The following CHD1 variants were observed in gnomAD, a reference collection of about 807,000 sequenced individuals.
CHD1 encodes chromodomain helicase DNA binding protein 1.
In CHD1, 36 loss-of-function variants were observed where a neutral mutation model predicts 224.2. The observed-to-expected ratio is 0.16, with a 90% confidence interval of 0.12 to 0.21. The LOEUF is 0.21. CHD1 is among the 10% of genes least tolerant of loss of function. The pLI is 1.00. For missense variants in CHD1, 1,378 were observed against 1,994.8 expected, an observed-to-expected ratio of 0.69 and a Z score of 5.89; for synonymous variants, 668 against 658.3, an observed-to-expected ratio of 1.01 and a Z score of -0.23.
At chr5:98,911,984 A>AT (rs1752452220) in intron 2 of CHD1, among the ~76,000 whole-genome samples, 2 of 152,188 alleles carry the variant, frequency 1.3e-5, no homozygotes, top group Non-Finnish European at 2.9e-5. Context: ...CTTAATAAAC[A>AT]ATATAGGCCT....
chr5:98,926,292 C>T (rs776976778), intron 2 of CHD1, 42 bp downstream of exon 2: 14 of 1,223,720 alleles, frequency 1.1e-5, no homozygotes, highest in Non-Finnish European at 1.5e-5. Context: ...AAGTTTTCAA[C>T]TCTCTTCATA....
In CHD1 at chr5:98,898,228, A is replaced by G. The variant is rs77863434; in HGVS notation, c.1365+28T>C. 3,438 of 1,242,060 alleles carry G rather than the reference A, an allele frequency of 2.8e-3. 78 individuals carry two copies. The African/African-American group carries it at 0.049, about 18-fold the overall frequency. The allele number at this position is 1,242,060 out of a possible 1,614,324, so 76.9% of individuals were successfully genotyped here. On this transcript the variant is annotated intron_variant, in intron 10 of 35. Transcript: ENST00000614616. Reference sequence around the variant, plus strand: ...TTTATAATGTATAAATATATTTTTAATAATTTAAAATGTTAGACAATACTC... The same window carrying G: ...TTTATAATGTATAAATATATTTTTAGTAATTTAAAATGTTAGACAATACTC...
At chr5:98,903,175 A>G in intron 4 of CHD1, among the ~76,000 whole-genome samples, 1 of 152,186 alleles carries the variant, frequency 6.6e-6, no homozygotes, top group East Asian at 1.9e-4. Context: ...GTAAATAGCA[A>G]AATGTCAGCA....
intron 10 of CHD1, 61 bp from the exon 11 acceptor site, chr5:98,897,381 A>C: frequency 8.4e-7 from 1 of 1,195,018 alleles, no homozygotes; most frequent in Non-Finnish European, 1.2e-6. Flanking sequence ...ATACTAAAAG[A>C]TGAAAGCCTC....
intron 2 of CHD1, among the ~76,000 whole-genome samples, chr5:98,905,691 TATTA>T (rs1427794882): frequency 6.6e-6 from 1 of 152,192 alleles, no homozygotes; most frequent in Non-Finnish European, 1.5e-5. Context: ...GAAAATCACT[TATTA>T]ATAAGTTCTT....
intron 18 of CHD1, among the ~76,000 whole-genome samples, chr5:98,884,240 A>AT (rs1234130841): frequency 1.3e-5 from 2 of 151,196 alleles, no homozygotes; most frequent in South Asian, 2.1e-4. Flanking sequence ...CGCCCAGCTA[A>AT]TTTTTTTGTA....
chr5:98,881,311 T>C lies in CHD1; in HGVS notation c.2932A>G (p.Lys978Glu). 1 of 1,517,584 alleles carries C rather than the reference T, an allele frequency of 6.6e-7. No homozygotes were observed. Among genetic ancestry groups the C allele is most frequent in the Admixed American group, 2.0e-5 (1 of 49,840 alleles). 94.0% of individuals were successfully genotyped at this position (1,517,584 alleles called of 1,614,324 possible). A position where few individuals can be genotyped will look rare whatever the true frequency, so the allele number is the denominator to read the frequency against. The part of the protein sequence containing the change: ...ILKFGAEELF[K>E]EPEGEEQEPQ... ...TCTTGTTCTTCTCCTTCAGGTTCCT[T>C]AAAAAGTTCTTCAGCACCAAACTTT... Residue 978 changes from lysine (K) to glutamate (E), a missense_variant, in exon 21 of 36, where the codon AAG becomes GAG. Physicochemically the swap from Lys to Glu is moderately conservative, Grantham distance 56. Transcript: ENST00000614616.
rs756493232 is a variant in CHD1, at chr5:98,871,919, G to A, written c.3861+132C>T. On this transcript the variant is annotated intron_variant, in intron 28 of 35. Coordinates refer to ENST00000614616, the MANE Select transcript of CHD1 (RefSeq NM_001270.4). ...CTTTCATGCAAAGCATCTTCTAAAC[G>A]CACCAAGGTCACACAACCAGCTAGT... is the stretch of plus-strand genomic sequence containing the variant. The A allele has an allele frequency of 1.6e-4, 103 of 661,720 alleles. 1 individual carries two copies. The highest frequency in any genetic ancestry group is 2.0e-4 in the Non-Finnish European group (84 of 413,966). The allele number at this position is 661,720 out of a possible 1,614,324, so 41.0% of individuals were successfully genotyped here.
chr5:98,900,730 G>A (rs530262794), intron 7 of CHD1, 81 bp downstream of exon 7: 5 of 1,248,496 alleles, frequency 4.0e-6, no homozygotes, highest in Admixed American at 2.3e-5. Context: ...GGGATTACAG[G>A]GGCGACCCAC....
At chr5:98,897,843 C>T (rs1751440583) in intron 10 of CHD1, among the ~76,000 whole-genome samples, 1 of 152,140 alleles carries the variant, frequency 6.6e-6, no homozygotes, top group African/African-American at 2.4e-5. Flanking sequence ...TATCACTCTC[C>T]TTTTTCTCTA....
chr5:98,891,104 C>T (rs1750993581), intron 15 of CHD1, among the ~76,000 whole-genome samples: 1 of 152,250 alleles, frequency 6.6e-6, no homozygotes, highest in East Asian at 1.9e-4. Context: ...GATGGGGTCT[C>T]ACTCTGTCAC....
At chr5:98,866,008 T>C (rs926783190) in intron 31 of CHD1, among the ~76,000 whole-genome samples, 10 of 152,084 alleles carry the variant, frequency 6.6e-5, no homozygotes, top group Non-Finnish European at 1.5e-4. Flanking sequence ...GTAGACCACA[T>C]AGAGAAGGGG....
intron 19 of CHD1, 29 bp from the exon 20 acceptor site, chr5:98,882,152 T>C (rs1410910638): frequency 2.5e-6 from 4 of 1,597,926 alleles, no homozygotes; most frequent in Admixed American, 3.4e-5. Flanking sequence ...GGAAACAAAT[T>C]GCAGTATAAA....
intron 2 of CHD1, among the ~76,000 whole-genome samples, chr5:98,916,412 G>A (rs1398690710): frequency 6.6e-6 from 1 of 151,500 alleles, no homozygotes; most frequent in African/African-American, 2.4e-5. Context: ...AGGTGTGGTA[G>A]TGCATGCCTG....
chr5:98,869,774 A>T lies in CHD1; in HGVS notation c.4087T>A (p.Ser1363Thr), dbSNP rs775337071. The T allele has an allele frequency of 5.6e-6, 9 of 1,613,356 alleles. No individual in the cohort carries two copies. Among genetic ancestry groups the T allele is most frequent in the Non-Finnish European group, 7.6e-6 (9 of 1,179,656 alleles). Residue 1363 changes from serine to threonine, a missense_variant, in exon 30 of 36, where the codon TCT becomes ACT. Ser to Thr is a moderately conservative substitution (Grantham distance 58). This residue lies in a region of CHD1 where 105 missense variants were observed against 93.4 expected (regional missense o/e 1.12). Transcript: ENST00000614616. ...CTTACTTTATCATCATCTTCATCAG[A>T]CTTCTCTGAAGGCAGAGGAGAAGAA... The part of the protein sequence containing the change: ...SDSSPLPSEK[S>T]DEDDDKLSES...
chr5:98,888,506 T>C (rs562307226), intron 16 of CHD1, among the ~76,000 whole-genome samples: 3 of 152,330 alleles, frequency 2.0e-5, no homozygotes, highest in South Asian at 4.1e-4. Flanking sequence ...CTAGTTACTA[T>C]ACCACAGTGT....
Position 98,893,472 on chromosome 5 carries a change from A to C in CHD1, c.1935T>G (p.Pro645=). ...AGAGCTCTTTGAGGGAATTCTGTAG[A>C]GGAGTTCCAGTGATAAGGAGACGAT... ...SNHRLLITGT[P]LQNSLKELWS... is the part of the protein sequence containing the mutation. Residue 645 remains proline, a synonymous_variant, in exon 14 of 36, where the codon CCT becomes CCG. Coordinates refer to ENST00000614616, the MANE Select transcript of CHD1 (RefSeq NM_001270.4). 3 of 1,611,618 alleles carry C rather than the reference A, an allele frequency of 1.9e-6. No homozygotes were observed. Among genetic ancestry groups the C allele is most frequent in the Non-Finnish European group, 2.5e-6 (3 of 1,178,416 alleles).
In CHD1 at chr5:98,893,285, T is replaced by A. The variant is rs114477327; in HGVS notation, c.1991+131A>T. On this transcript the variant is annotated intron_variant, in intron 14 of 35. Transcript: ENST00000614616. ...AACTACCTGACCTCATTTTCCTTTT[T>A]AAAAAATTCTTAGTAATCTGTGATC... 4.7e-3 allele frequency: 2,596 copies of A among 557,422 alleles called. 54 individuals are homozygous for A. In the African/African-American group the frequency reaches 0.047, roughly 10 times the overall value. The allele number at this position is 557,422 out of a possible 1,614,324, so 34.5% of individuals were successfully genotyped here.
Position 98,898,401 on chromosome 5 carries a change from G to C in CHD1, c.1220C>G (p.Pro407Arg). 1.3e-6 allele frequency: 2 copies of C among 1,582,860 alleles called. No homozygotes were observed. The highest frequency in any genetic ancestry group is 1.7e-6 in the Non-Finnish European group (2 of 1,169,222). ...GCCCTGCCATTTGCAGTAATAATCA[G>C]GATAACCAGCTGCTGACTTTTGATT... ...HSNQKSAAGY[P>R]DYYCKWQGLP... Residue 407 changes from proline to arginine, a missense_variant, in exon 10 of 36, where the codon CCT (proline) becomes CGT (arginine). By Grantham distance (103) the Pro-to-Arg change is moderately radical. Around this residue, in one of 16 missense-constraint regions of CHD1, gnomAD observed 86 missense variants for 97.7 expected, o/e 0.88. Transcript: ENST00000614616.
Sources: gnomAD v4.1 joint callset for allele counts (sites outside exome capture counted in the v4.1 genomes callset) on GRCh38, gnomAD v4.1.1 for gene constraint, gnomAD v4.1.1 regional missense constraint, MANE v1.5 for transcripts, NCBI Gene and HGNC (gene_info 2026-07-23, HGNC 2026-07-21) for gene names.